Variants in GPR143 observed in about 807,000 individuals in gnomAD.
GPR143 encodes the protein G protein-coupled receptor 143.
GPR143 carries 8 observed loss-of-function variants against 27.6 expected under a neutral mutation model. The ratio of observed to expected loss-of-function variants is 0.29; its 90% CI spans 0.17 to 0.52. The LOEUF is 0.52. Ranked by LOEUF, GPR143 falls within the 20% of genes least tolerant of loss-of-function variation. The pLI is 0.96. For missense variants in GPR143, 303 were observed against 343.1 expected (o/e 0.88, Z 0.92); for synonymous variants, 156 against 153.2 (o/e 1.02, Z -0.13).
intron 5 of GPR143, 27 bp downstream of exon 5, chrX:9,746,017 T>C (rs1254849112): frequency 1.1e-6 from 1 of 937,315 alleles, no homozygotes; most frequent in Non-Finnish European, 1.5e-6. Context: ...AGTGGCCGTG[T>C]ACCCAGAGAG....
At position 9,725,359 on chromosome X, in the gene GPR143, A is replaced by G. The variant is rs1172356748; in HGVS notation, c.*387T>C. On this transcript the variant is annotated 3_prime_UTR_variant, in exon 9 of 9. Coordinates refer to ENST00000467482, the MANE Select transcript of GPR143 (RefSeq NM_000273.3). Reference sequence around the variant, plus strand: ...TTAAGCAATGCATAACTGTACATGTATTTATTTTCTTTTGCTAGAAGTGTT... The same window carrying G: ...TTAAGCAATGCATAACTGTACATGTGTTTATTTTCTTTTGCTAGAAGTGTT... 2.4e-5 allele frequency: 4 copies of G among 167,407 alleles called. No homozygotes were observed. The East Asian group carries it at 6.2e-4, about 26-fold the overall frequency. 13.8% of individuals were successfully genotyped at this position (167,407 alleles called of 1,213,427 possible). A position where few individuals can be genotyped will look rare whatever the true frequency, so the allele number is the denominator to read the frequency against.
chrX:9,764,256 A>C (rs1256237110), intron 1 of GPR143, among the ~76,000 whole-genome samples: 1 of 111,294 alleles, frequency 9.0e-6, no homozygotes, highest in Non-Finnish European at 1.9e-5. Flanking sequence ...GTGACACTGC[A>C]CTCAACCTGG....
upstream of GPR143, among the ~76,000 whole-genome samples, chrX:9,767,212 G>T (rs2083538653): frequency 9.3e-6 from 1 of 108,004 alleles, no homozygotes; most frequent in Admixed American, 1.0e-4. Flanking sequence ...AAATAGAAGT[G>T]CTCCTTCTAG....
chrX:9,778,252 G>A (rs771851340), intron 1 of GPR143, among the ~76,000 whole-genome samples: 1 of 112,118 alleles, frequency 8.9e-6, no homozygotes, highest in African/African-American at 3.2e-5. Context: ...ACACTGGTTA[G>A]CACTGGGATG....
chrX:9,748,492 G>T, intron 4 of GPR143, 82 bp downstream of exon 4: 2 of 656,277 alleles, frequency 3.0e-6, no homozygotes, highest in Non-Finnish European at 5.0e-6. Flanking sequence ...CACTCTGTGG[G>T]TCGGGGCTCA....
In GPR143 at chrX:9,725,717, A is replaced by T; in HGVS notation, c.*29T>A. ...ACAAGAATTGTTGAGTCTGAGGAAT[A>T]TGGGGTCTGGACCCCCAGCACATCC... On this transcript the variant is annotated 3_prime_UTR_variant, in exon 9 of 9. Transcript: ENST00000467482. The T allele has an allele frequency of 9.5e-7, 1 of 1,048,167 alleles. No homozygotes were observed. Among genetic ancestry groups the T allele is most frequent in the African/African-American group, 1.8e-5 (1 of 54,738 alleles). The allele number at this position is 1,048,167 out of a possible 1,213,427, so 86.4% of individuals were successfully genotyped here.
rs775298994 is a variant in GPR143 at position 9,765,826 on chromosome X, TTCGCGGACGCGGC to T, written c.-22_-10del. ...AGGCGCGGGGAGGCCATGGGCTGTG[TTCGCGGACGCGGC>T]TCGGGTGTGCCAGGACCCCGCCGGC... On this transcript the variant is annotated 5_prime_UTR_variant, in exon 1 of 9. Transcript: ENST00000467482. 1.2e-5 allele frequency: 13 copies of T among 1,093,626 alleles called. No individual in the cohort carries two copies. The South Asian group carries it at 2.9e-4, about 25-fold the overall frequency. 90.1% of individuals were successfully genotyped at this position (1,093,626 alleles called of 1,213,427 possible).
At position 9,760,809 on chromosome X, in the gene GPR143, T is replaced by C. The variant is rs766614115; in HGVS notation, c.268A>G (p.Thr90Ala). 1 of 1,133,663 alleles carries C rather than the reference T, an allele frequency of 8.8e-7. No homozygotes were observed. Among genetic ancestry groups the C allele is most frequent in the East Asian group, 3.0e-5 (1 of 33,350 alleles). 93.4% of individuals were successfully genotyped at this position (1,133,663 alleles called of 1,213,427 possible). ...AAATTTGGGAATCCTAACCACACGG[T>C]GGACCGGATCACCATACCTAAGAGA... ...LGCLGMVIRSTVWLGFPNFVD... is the reference protein window; with the variant it reads ...LGCLGMVIRSAVWLGFPNFVD... The change falls in exon 2 of 9, where the codon ACC (threonine) becomes GCC (alanine). Residue 90 changes from threonine (T) to alanine (A), a missense_variant. Transcript: ENST00000467482.
chrX:9,745,962 G>C (rs1187450762), intron 5 of GPR143, 82 bp downstream of exon 5: 2 of 599,797 alleles, frequency 3.3e-6, no homozygotes, highest in African/African-American at 4.4e-5. Flanking sequence ...AGAATTCCAG[G>C]ACAACATGTG....
chrX:9,732,669 C>A (rs2083359806), intron 8 of GPR143, among the ~76,000 whole-genome samples: 1 of 109,781 alleles, frequency 9.1e-6, no homozygotes, highest in African/African-American at 3.3e-5. Flanking sequence ...TTGAAACTAG[C>A]CTGGCCAACA....
intron 1 of GPR143, 78 bp downstream of exon 1, chrX:9,765,490 C>A (rs2083526555): frequency 1.1e-6 from 1 of 942,300 alleles, no homozygotes; most frequent in Non-Finnish European, 1.4e-6. Context: ...GGGCACCAGT[C>A]GGGTCTCAAC....
chrX:9,741,210 G>T, intron 7 of GPR143, 128 bp downstream of exon 7: 1 of 427,855 alleles, frequency 2.3e-6, no homozygotes, highest in Non-Finnish European at 4.2e-6. Flanking sequence ...TTGAGCCCAG[G>T]AGTTTAAGGC....
chrX:9,734,260 A>T (rs1009704351), intron 8 of GPR143, among the ~76,000 whole-genome samples: 5 of 110,622 alleles, frequency 4.5e-5, no homozygotes, highest in Non-Finnish European at 7.6e-5. Flanking sequence ...GTGGGGAAGA[A>T]TGCCAAATTA....
chrX:9,738,667 C>A (rs2036570238), intron 8 of GPR143: 1 of 182,643 alleles, frequency 5.5e-6, no homozygotes, highest in Non-Finnish European at 8.5e-6. Flanking sequence ...TCTTGTTGCC[C>A]CAGCTGGAGT....
chrX:9,739,054 C>T (rs1490108067), intron 8 of GPR143, among the ~76,000 whole-genome samples: 2 of 112,444 alleles, frequency 1.8e-5, no homozygotes, highest in Non-Finnish European at 3.8e-5. Context: ...GAAAAGAAAA[C>T]GGAACTCCTT....
At chrX:9,743,218 C>CAAAA (rs35238066) in intron 6 of GPR143, among the ~76,000 whole-genome samples, 71 of 37,237 alleles carry the variant, frequency 1.9e-3, no homozygotes, top group Non-Finnish European at 2.1e-3. Context: ...GACCCTGTCT[C>CAAAA]AAAAAAAAAA....
chrX:9,775,045 A>G (rs746738393), intron 1 of GPR143, among the ~76,000 whole-genome samples: 1 of 111,068 alleles, frequency 9.0e-6, no homozygotes, highest in African/African-American at 3.3e-5. Context: ...AAAAAAATGT[A>G]AAGACAGGGT....
chrX:9,765,831 G>T lies in GPR143; in HGVS notation c.-14C>A. On this transcript the variant is annotated 5_prime_UTR_variant, in exon 1 of 9. Transcript: ENST00000467482. ...CGGGGAGGCCATGGGCTGTGTTCGC[G>T]GACGCGGCTCGGGTGTGCCAGGACC... 1 of 1,080,494 alleles carries T rather than the reference G, an allele frequency of 9.3e-7. No homozygotes were observed. Among genetic ancestry groups the T allele is most frequent in the Admixed American group, 3.2e-5 (1 of 31,454 alleles). 89.0% of individuals were successfully genotyped at this position (1,080,494 alleles called of 1,213,427 possible). A position where few individuals can be genotyped will look rare whatever the true frequency, so the allele number is the denominator to read the frequency against.
At chrX:9,737,476 T>C (rs377515865) in intron 8 of GPR143, among the ~76,000 whole-genome samples, 3 of 111,844 alleles carry the variant, frequency 2.7e-5, no homozygotes, top group African/African-American at 9.8e-5. Context: ...AGGACGAATA[T>C]TACACAATGC....
Sources: gnomAD v4.1 joint callset for allele counts (sites outside exome capture counted in the v4.1 genomes callset) on GRCh38, gnomAD v4.1.1 for gene constraint, MANE v1.5 for transcripts, NCBI Gene and HGNC (gene_info 2026-07-23, HGNC 2026-07-21) for gene names.